The following MGRN1 variants were observed in gnomAD, a reference collection of about 807,000 sequenced individuals.
MGRN1 encodes E3 ubiquitin-protein ligase MGRN1.
A neutral mutation model predicts 69.2 loss-of-function variants in MGRN1; 29 were observed. The observed-to-expected ratio is 0.42, with a 90% confidence interval of 0.31 to 0.57. The LOEUF (loss-of-function observed/expected upper bound fraction) is 0.57, where lower values mean the gene tolerates loss of function less well. Ranked by LOEUF, MGRN1 falls within the 20% of genes least tolerant of loss-of-function variation. The pLI, the probability that MGRN1 is intolerant of heterozygous loss-of-function variation, is 0.15. For missense variants in MGRN1, 998 were observed against 796.2 expected (o/e 1.25, Z -3.05); for synonymous variants, 470 against 344.2 (o/e 1.37, Z -4.04).
intron 1 of MGRN1, among the ~76,000 whole-genome samples, chr16:4,630,397 G>T (rs1897939581): frequency 6.6e-6 from 1 of 151,670 alleles, no homozygotes; most frequent in Non-Finnish European, 1.5e-5. Flanking sequence ...TCTTTGCCTA[G>T]GTCAAGGTCA....
chr16:4,685,209 G>T (rs187259952), intron 16 of MGRN1, among the ~76,000 whole-genome samples: 4 of 152,116 alleles, frequency 2.6e-5, no homozygotes, highest in Non-Finnish European at 5.9e-5. Context: ...AAAACTTGGG[G>T]GGTGATCGGG....
Position 4,645,589 on chromosome 16 carries a change from T to C in MGRN1, c.89-4776T>C, listed in dbSNP as rs549915513. ...AGGCTGGAAAGGGGAGTGGAAAGATTGGTTGGCAAGCTGGGGTGTGGGAGG... is the reference window on the plus strand; with the variant it reads ...AGGCTGGAAAGGGGAGTGGAAAGATCGGTTGGCAAGCTGGGGTGTGGGAGG... On this transcript the variant is annotated intron_variant, in intron 1 of 16. Coordinates refer to ENST00000262370, the MANE Select transcript of MGRN1 (RefSeq NM_015246.4). Among the ~76,000 whole-genome samples, 3 of 152,102 alleles carry C rather than the reference T, an allele frequency of 2.0e-5. No individual in the cohort carries two copies. The South Asian group carries it at 6.2e-4, about 32-fold the overall frequency.
At chr16:4,660,188 C>T (rs553133842) in intron 5 of MGRN1, among the ~76,000 whole-genome samples, 70 of 152,344 alleles carry the variant, frequency 4.6e-4, no homozygotes, top group African/African-American at 1.6e-3. Context: ...GGGCTGGGGG[C>T]CCACTTTCGT....
chr16:4,642,046 T>C (rs1394704007), intron 1 of MGRN1, among the ~76,000 whole-genome samples: 3 of 151,886 alleles, frequency 2.0e-5, no homozygotes, highest in Non-Finnish European at 4.4e-5. Context: ...GTTGATCACG[T>C]AGACCCTGTT....
At chr16:4,657,865 C>G (rs2078586449) in intron 5 of MGRN1, among the ~76,000 whole-genome samples, 1 of 151,018 alleles carries the variant, frequency 6.6e-6, no homozygotes, top group East Asian at 2.0e-4. Flanking sequence ...GCCTCAGCCT[C>G]CCGAGTGGCT....
intron 16 of MGRN1, 71 bp from the exon 17 acceptor site, chr16:4,688,725 G>T (rs1287880097): frequency 6.7e-7 from 1 of 1,486,296 alleles, no homozygotes; most frequent in East Asian, 2.5e-5. Context: ...TGGGGCTCCA[G>T]ATCGGTAGGA....
At chr16:4,666,366 A>C (rs1467953425) in intron 7 of MGRN1, among the ~76,000 whole-genome samples, 2 of 152,072 alleles carry the variant, frequency 1.3e-5, no homozygotes, top group African/African-American at 4.8e-5. Flanking sequence ...TCCTGGCCTC[A>C]AGTGATCCTC....
Position 4,688,827 on chromosome 16 carries a change from C to T in MGRN1, c.1650C>T (p.Gly550=). Reference sequence around the variant, plus strand: ...CCACCTCCATGGAGACGGCCCACGGCCTCGCCACCACCAGCCCCACCTGGC... The same window carrying T: ...CCACCTCCATGGAGACGGCCCACGGTCTCGCCACCACCAGCCCCACCTGGC... ...GRPTSMETAH[G]LATTSPTWPP... Residue 550 remains glycine (G), a synonymous_variant, in exon 17 of 17, where the codon GGC becomes GGT. Coordinates refer to ENST00000262370, the MANE Select transcript of MGRN1 (RefSeq NM_015246.4). The T allele has an allele frequency of 1.3e-6, 2 of 1,553,566 alleles. No homozygotes were observed. The highest frequency in any genetic ancestry group is 1.4e-5 in the African/African-American group (1 of 73,298).
At chr16:4,673,147 G>T (rs1026637659) in intron 9 of MGRN1, among the ~76,000 whole-genome samples, 2 of 152,048 alleles carry the variant, frequency 1.3e-5, no homozygotes, top group East Asian at 1.9e-4. Context: ...CATTAACTTG[G>T]TTTTTTTTAA....
intron 8 of MGRN1, among the ~76,000 whole-genome samples, chr16:4,670,254 T>C (rs1348759980): frequency 6.6e-6 from 1 of 151,974 alleles, no homozygotes; most frequent in Non-Finnish European, 1.5e-5. Context: ...TTTTGTTTTG[T>C]ATTTTTGAGA....
At chr16:4,688,009 C>G (rs2079372409) in intron 16 of MGRN1, 1 of 985,590 alleles carries the variant, frequency 1.0e-6, no homozygotes, top group African/African-American at 1.7e-5. Flanking sequence ...GGTCAAGCTT[C>G]CGGAGCTGGG....
At chr16:4,664,814 C>T (rs374672434) in intron 6 of MGRN1, 39 bp downstream of exon 6, 40 of 1,609,188 alleles carry the variant, frequency 2.5e-5, no homozygotes, top group Middle Eastern at 1.7e-4. Flanking sequence ...GCGTGCAGGC[C>T]GTGCAGGGAG....
chr16:4,628,992 A>G (rs558058638), intron 1 of MGRN1, among the ~76,000 whole-genome samples: 5 of 152,064 alleles, frequency 3.3e-5, no homozygotes, highest in East Asian at 1.9e-4. Context: ...ACTGGCCACT[A>G]TGCCAGGCTA....
At chr16:4,687,158 G>A in intron 16 of MGRN1, 7 of 985,344 alleles carry the variant, frequency 7.1e-6, no homozygotes, top group Non-Finnish European at 8.4e-6. Context: ...GAACCTTCTG[G>A]AACACCAGCA....
chr16:4,655,627 C>G (rs2078519932), intron 4 of MGRN1, among the ~76,000 whole-genome samples: 1 of 152,152 alleles, frequency 6.6e-6, no homozygotes, highest in African/African-American at 2.4e-5. Context: ...GCAGGCATCA[C>G]AGAGCAGGAA....
chr16:4,644,658 T>C (rs1261563440), intron 1 of MGRN1, among the ~76,000 whole-genome samples: 1 of 152,220 alleles, frequency 6.6e-6, no homozygotes, highest in Non-Finnish European at 1.5e-5. Context: ...AGATAGGAAT[T>C]AGCAAGATTT....
rs2078989965 is a variant in MGRN1, at chr16:4,673,653, G to A, written c.951G>A (p.Arg317=). 6.2e-7 allele frequency: 1 copy of A among 1,612,818 alleles called. No homozygotes were observed. The highest frequency in any genetic ancestry group is 8.5e-7 in the Non-Finnish European group (1 of 1,179,684). Residue 317 remains arginine (R), a synonymous_variant, in exon 10 of 17, where the codon CGG becomes CGA. Transcript: ENST00000262370. Reference sequence around the variant, plus strand: ...AGGCCAACAACTGCCCCATCTGCCGGCTGCGTGAGTTCCCCGGCCGGCTGT... The same window carrying A: ...AGGCCAACAACTGCCCCATCTGCCGACTGCGTGAGTTCCCCGGCCGGCTGT... The part of the protein sequence containing the change: ...RYQANNCPIC[R]LPFRALLQIR...
chr16:4,652,952 T>C, intron 4 of MGRN1, 128 bp downstream of exon 4: 3 of 1,234,244 alleles, frequency 2.4e-6, no homozygotes, highest in Non-Finnish European at 3.2e-6. Flanking sequence ...CCCAGGACTT[T>C]ACCACGATGT....
chr16:4,681,492 C>T lies in MGRN1; in HGVS notation c.1132-58C>T, dbSNP rs966410632. ...GTGGACAGGAGGTCATCAGGAGGAG[C>T]GTCTGGGGAGCAGGTGGTCCCTGGG... On this transcript the variant is annotated intron_variant, in intron 12 of 16. Transcript: ENST00000262370. The T allele has an allele frequency of 6.7e-6, 10 of 1,499,636 alleles. No homozygotes were observed. In the Admixed American group the frequency reaches 9.0e-5, roughly 14 times the overall value. 92.9% of individuals were successfully genotyped at this position (1,499,636 alleles called of 1,614,324 possible). A position where few individuals can be genotyped will look rare whatever the true frequency, so the allele number is the denominator to read the frequency against.
Sources: gnomAD v4.1 joint callset for allele counts (sites outside exome capture counted in the v4.1 genomes callset) on GRCh38, gnomAD v4.1.1 for gene constraint, MANE v1.5 for transcripts, NCBI Gene and HGNC (gene_info 2026-07-23, HGNC 2026-07-21) for gene names.